Variants in SLCO3A1 observed in about 807,000 individuals in gnomAD.
The protein encoded by SLCO3A1 is PGE1 transporter.
A neutral mutation model predicts 63.1 loss-of-function variants in SLCO3A1; 27 were observed. The ratio of observed to expected loss-of-function variants is 0.43; its 90% CI spans 0.32 to 0.59. SLCO3A1 has a LOEUF of 0.59. SLCO3A1 is among the 20% of genes least tolerant of loss of function. The pLI is 0.09. For missense variants in SLCO3A1, 773 were observed against 945.8 expected (o/e 0.82, Z 2.40); for synonymous variants, 473 against 409.9 (o/e 1.15, Z -1.86).
intron 2 of SLCO3A1, among the ~76,000 whole-genome samples, chr15:92,057,923 G>A (rs1172650290): frequency 1.3e-5 from 2 of 152,134 alleles, no homozygotes; most frequent in African/African-American, 4.8e-5. Flanking sequence ...ACTCTTTGCT[G>A]GGCAGTGTTC....
chr15:92,162,930 C>G lies in SLCO3A1; in HGVS notation c.1928C>G (p.Thr643Ser), dbSNP rs1207968222. 2 of 1,614,094 alleles carry G rather than the reference C, an allele frequency of 1.2e-6. No individual in the cohort carries two copies. Among genetic ancestry groups the G allele is most frequent in the African/African-American group, 2.7e-5 (2 of 74,932 alleles). The change falls in exon 10 of 10, where the codon ACC (threonine) becomes AGC (serine). Residue 643 changes from threonine (T) to serine (S), a missense_variant. Physicochemically the swap from Thr to Ser is moderately conservative, Grantham distance 58 (BLOSUM62 1). Coordinates refer to ENST00000318445, the MANE Select transcript of SLCO3A1 (RefSeq NM_013272.4). ...TCCTTCGCCTTCATCCTGTACACCA[C>G]CACGTGGCAGTGCCTGAGGAAAAAC... ...LKSFAFILYT[T>S]TWQCLRKNYK...
intron 2 of SLCO3A1, among the ~76,000 whole-genome samples, chr15:91,924,095 C>T (rs1287417440): frequency 1.3e-5 from 2 of 152,170 alleles, no homozygotes; most frequent in Non-Finnish European, 2.9e-5. Context: ...TGCAGACGGG[C>T]TTTGGGCCGG....
intron 2 of SLCO3A1, among the ~76,000 whole-genome samples, chr15:91,943,545 A>G (rs1010488556): frequency 6.6e-6 from 1 of 152,216 alleles, no homozygotes; most frequent in African/African-American, 2.4e-5. Flanking sequence ...GCTATGAACC[A>G]TAGGTGTGCA....
At chr15:91,928,174 C>T (rs78580976) in intron 2 of SLCO3A1, among the ~76,000 whole-genome samples, 2,584 of 152,306 alleles carry the variant, frequency 0.017, 104 homozygotes, top group African/African-American at 0.06. Context: ...TAACAGCTGT[C>T]TGCTTATTTA....
Position 91,909,198 on chromosome 15 carries a change from C to G in SLCO3A1, c.181-6795C>G, listed in dbSNP as rs749079312. 9.8e-5 allele frequency among the ~76,000 whole-genome samples: 15 copies of G among 152,334 alleles called. No individual in the cohort carries two copies. The South Asian group carries it at 2.1e-3, about 21-fold the overall frequency. ...TGGCCAGTGTTTGTATTGCCAGGCA[C>G]GGGAATAGTGTGATTTCCCATGCTG... On this transcript the variant is annotated intron_variant, in intron 1 of 9. Transcript: ENST00000318445.
chr15:91,946,560 T>C (rs1899814291), intron 2 of SLCO3A1, among the ~76,000 whole-genome samples: 1 of 152,230 alleles, frequency 6.6e-6, no homozygotes, highest in Non-Finnish European at 1.5e-5. Flanking sequence ...TATTAGGTAG[T>C]GGTCAGAAGA....
chr15:92,091,639 C>T lies in SLCO3A1; in HGVS notation c.647-3242C>T, dbSNP rs539817639. 2.6e-5 allele frequency among the ~76,000 whole-genome samples: 4 copies of T among 152,314 alleles called. No homozygotes were observed. In the South Asian group the frequency reaches 8.3e-4, roughly 32 times the overall value. ...CACGAAGGCCCCTCCCACGTCCCAC[C>T]ACCGGACTGTCCTTTGAAAAAGGTT... On this transcript the variant is annotated intron_variant, in intron 2 of 9. Transcript: ENST00000318445.
At chr15:92,004,165 C>T (rs2046287250) in intron 2 of SLCO3A1, among the ~76,000 whole-genome samples, 1 of 152,116 alleles carries the variant, frequency 6.6e-6, no homozygotes, top group South Asian at 2.1e-4. Flanking sequence ...TGTGCTAAAT[C>T]ACAGGAAAGG....
intron 2 of SLCO3A1, among the ~76,000 whole-genome samples, chr15:91,988,265 G>C (rs916781171): frequency 1.3e-5 from 2 of 151,796 alleles, no homozygotes; most frequent in African/African-American, 4.8e-5. Flanking sequence ...GGCATGGTGG[G>C]GGGAGGAGGA....
At chr15:92,172,173 G>C in exon 11 of SLCO3A1, 1 of 253,464 alleles carries the variant, frequency 3.9e-6, no homozygotes, top group Non-Finnish European at 7.5e-6. Context: ...ATGGCTTGCC[G>C]ACATGCTTTA....
At chr15:91,951,609 G>A (rs1900003680) in intron 2 of SLCO3A1, among the ~76,000 whole-genome samples, 2 of 147,500 alleles carry the variant, frequency 1.4e-5, no homozygotes, top group South Asian at 4.3e-4. Context: ...AGGCTGGAGT[G>A]CAGTGGTACA....
At chr15:92,041,347 A>G (rs1437309210) in intron 2 of SLCO3A1, among the ~76,000 whole-genome samples, 1 of 152,166 alleles carries the variant, frequency 6.6e-6, no homozygotes, top group African/African-American at 2.4e-5. Context: ...GAAGATTCAT[A>G]TTTCCCAGCA....
intron 5 of SLCO3A1, among the ~76,000 whole-genome samples, chr15:92,121,651 A>G (rs2047864006): frequency 6.6e-6 from 1 of 152,214 alleles, no homozygotes. Flanking sequence ...AGTTGAGGAC[A>G]TCGGAGTGGA....
Position 91,897,080 on chromosome 15 carries a change from G to A in SLCO3A1, c.181-18913G>A, listed in dbSNP as rs537128549. 6.6e-6 allele frequency among the ~76,000 whole-genome samples: 1 copy of A among 152,234 alleles called. No homozygotes were observed. Among genetic ancestry groups the A allele is most frequent in the Non-Finnish European group, 1.5e-5 (1 of 68,004 alleles). On this transcript the variant is annotated intron_variant, in intron 1 of 9. Transcript: ENST00000318445. The surrounding 1 kb of genome is among the most constrained non-coding windows in gnomAD (Gnocchi z 4.7). ...AGATGATAATGCCATTTTAGCAGCT[G>A]GAAAGTTGTGAGAAATCAAAGTAAC...
intron 2 of SLCO3A1, among the ~76,000 whole-genome samples, chr15:91,933,011 C>G (rs1455667726): frequency 6.6e-6 from 1 of 152,062 alleles, no homozygotes; most frequent in African/African-American, 2.4e-5. Flanking sequence ...AGAATCTTCC[C>G]CATTTCAACT....
intron 7 of SLCO3A1, among the ~76,000 whole-genome samples, chr15:92,140,573 T>G (rs910043466): frequency 3.3e-5 from 5 of 152,298 alleles, no homozygotes; most frequent in Admixed American, 1.3e-4. Flanking sequence ...ATGTTGACAG[T>G]GGGGTGTTAC....
chr15:92,052,712 A>G (rs2046972245), intron 2 of SLCO3A1, among the ~76,000 whole-genome samples: 1 of 152,214 alleles, frequency 6.6e-6, no homozygotes. Flanking sequence ...GCCACTCTGC[A>G]TGTGGCTGCT....
intron 2 of SLCO3A1, among the ~76,000 whole-genome samples, chr15:91,957,329 A>G (rs1030971629): frequency 6.7e-6 from 1 of 148,786 alleles, no homozygotes; most frequent in Non-Finnish European, 1.5e-5. Flanking sequence ...TTCAGCCGCC[A>G]ATGTGGTCTC....
At chr15:91,898,777 G>A (rs1483560841) in intron 1 of SLCO3A1, among the ~76,000 whole-genome samples, 1 of 152,086 alleles carries the variant, frequency 6.6e-6, no homozygotes, top group East Asian at 1.9e-4. Flanking sequence ...TACATATTAT[G>A]AATATATAGA....
Sources: gnomAD v4.1 joint callset for allele counts (sites outside exome capture counted in the v4.1 genomes callset) on GRCh38, gnomAD v4.1.1 for gene constraint, Gnocchi (gnomAD v3.1) non-coding constraint, MANE v1.5 for transcripts, NCBI Gene and HGNC (gene_info 2026-07-23, HGNC 2026-07-21) for gene names.